RGPD3: variants seen among roughly 807,000 people sequenced by gnomAD.
RGPD3 encodes the protein RANBP2 like and GRIP domain containing 3.
In RGPD3, 62 loss-of-function variants were observed where a neutral mutation model predicts 154.5. The ratio of observed to expected loss-of-function variants is 0.40; its 90% CI spans 0.33 to 0.50. The LOEUF is 0.50. Among genes scored for constraint, RGPD3 ranks in the 20% least tolerant of loss-of-function variants. The probability of loss-of-function intolerance (pLI) is 0.59; values close to 1 mark genes in which losing one functional copy is unlikely to be tolerated. For missense variants in RGPD3, 919 were observed against 1,716.8 expected (o/e 0.54, Z 8.21); for synonymous variants, 308 against 607.0 (o/e 0.51, Z 7.24).
chr2:106,425,464 T>TA (rs1416793752), intron 19 of RGPD3, among the ~76,000 whole-genome samples, 198 bp from the exon 20 acceptor site: 1 of 145,204 alleles, frequency 6.9e-6, no homozygotes, highest in Admixed American at 7.0e-5. Flanking sequence ...TATCTCATTT[T>TA]AATATCCTCA....
chr2:106,428,833 G>A (rs1159465756), intron 18 of RGPD3, among the ~76,000 whole-genome samples: 1 of 147,000 alleles, frequency 6.8e-6, no homozygotes, highest in East Asian at 2.1e-4. Flanking sequence ...TGTGAATCTC[G>A]GCTCTATCAA....
chr2:106,413,194 T>C lies in RGPD3; in HGVS notation c.5156A>G (p.Gln1719Arg). Residue 1719 changes from glutamine (Q) to arginine (R), a missense_variant, in exon 22 of 23, where the codon CAG (glutamine) becomes CGG (arginine). Gln to Arg is a conservative substitution (Grantham distance 43). Transcript: ENST00000409886. ...NVEHLKNVLL[Q>R]FIFLKPGSER... ...ACTACCTGGCTTCAAGAAAATGAACTGCAGCAAGACGTTCTTCAAGTGTTC... is the reference window on the plus strand; with the variant it reads ...ACTACCTGGCTTCAAGAAAATGAACCGCAGCAAGACGTTCTTCAAGTGTTC... The C allele has an allele frequency of 1.2e-6, 2 of 1,612,010 alleles. No homozygotes were observed. The highest frequency in any genetic ancestry group is 1.7e-6 in the Non-Finnish European group (2 of 1,179,864).
At chr2:106,449,910 G>C (rs1378913321) in intron 6 of RGPD3, among the ~76,000 whole-genome samples, 5 of 151,200 alleles carry the variant, frequency 3.3e-5, no homozygotes, top group African/African-American at 9.7e-5. Flanking sequence ...CCAGCTACTC[G>C]GGAGGCTGAG....
At chr2:106,449,481 A>G (rs1678043508) in intron 6 of RGPD3, among the ~76,000 whole-genome samples, 1 of 151,396 alleles carries the variant, frequency 6.6e-6, no homozygotes, top group East Asian at 1.9e-4. Flanking sequence ...AAAAAAAAAA[A>G]AAAAAAGCTA....
chr2:106,426,804 G>T (rs1677211701), intron 18 of RGPD3, among the ~76,000 whole-genome samples: 1 of 152,250 alleles, frequency 6.6e-6, no homozygotes, highest in Non-Finnish European at 1.5e-5. Context: ...GCCTGTACAT[G>T]GAAGAAGAAA....
intron 22 of RGPD3, among the ~76,000 whole-genome samples, chr2:106,407,517 C>T (rs1455704808): frequency 6.6e-6 from 1 of 150,950 alleles, no homozygotes; most frequent in Non-Finnish European, 1.5e-5. Context: ...TAACCTTGTT[C>T]CCAGGAATAA....
chr2:106,438,797 C>CA (rs1284255871), intron 9 of RGPD3, among the ~76,000 whole-genome samples, 171 bp downstream of exon 9: 18 of 136,422 alleles, frequency 1.3e-4, no homozygotes, highest in Admixed American at 1.5e-4. Flanking sequence ...ACAACAACAA[C>CA]AACAAAAAAT....
Position 106,433,131 on chromosome 2 carries a change from G to A in RGPD3, c.2360C>T (p.Ser787Leu). Residue 787 changes from serine (S) to leucine (L), a missense_variant, in exon 16 of 23, where the codon TCA (serine) becomes TTA (leucine). Ser to Leu is a moderately radical substitution (Grantham distance 145). Transcript: ENST00000409886. ...KHSTPSPTKY[S>L]LSPSKSYKYS... ...CTTGTAACTTTTACTTGGTGATAGT[G>A]AATATTTGGTAGGAGATGGTGTAGA... 6.2e-7 allele frequency: 1 copy of A among 1,610,804 alleles called. No individual in the cohort carries two copies. Among genetic ancestry groups the A allele is most frequent in the Non-Finnish European group, 8.5e-7 (1 of 1,179,194 alleles).
intron 1 of RGPD3, among the ~76,000 whole-genome samples, chr2:106,467,053 G>C (rs1355753143): frequency 8.0e-6 from 1 of 125,552 alleles, no homozygotes; most frequent in Admixed American, 8.3e-5. Context: ...AGGTAACAGC[G>C]CCGGTCGGGA....
intron 7 of RGPD3, among the ~76,000 whole-genome samples, chr2:106,446,485 G>A (rs1256169639): frequency 1.4e-5 from 2 of 139,786 alleles, no homozygotes; most frequent in East Asian, 4.8e-4. Flanking sequence ...CAGGAAAATG[G>A]CGTGAACTCG....
In RGPD3 at chr2:106,423,998, A is replaced by G; in HGVS notation, c.3969T>C (p.Asp1323=). 2.5e-6 allele frequency: 4 copies of G among 1,611,804 alleles called. No individual in the cohort carries two copies. The highest frequency in any genetic ancestry group is 3.4e-6 in the Non-Finnish European group (4 of 1,179,832). The part of the protein sequence containing the change: ...GTSVGTDEES[D]VTQEEERDGQ... ...CATCTCTCTCTTCTTCTTGAGTAAC[A>G]TCAGATTCTTCATCAGTGCCAACTG... The change falls in exon 20 of 23, where the codon GAT becomes GAC. Residue 1323 remains aspartate, a synonymous_variant. Coordinates refer to ENST00000409886, the MANE Select transcript of RGPD3 (RefSeq NM_001144013.2).
At chr2:106,450,241 G>A (rs1266505912) in intron 6 of RGPD3, among the ~76,000 whole-genome samples, 8 of 84,234 alleles carry the variant, frequency 9.5e-5, no homozygotes, top group Non-Finnish European at 1.5e-4. Flanking sequence ...TTAGCCGAGC[G>A]TGGTGGTGGG....
intron 22 of RGPD3, among the ~76,000 whole-genome samples, chr2:106,407,542 C>G (rs1676552725): frequency 6.7e-6 from 1 of 150,262 alleles, no homozygotes; most frequent in African/African-American, 2.4e-5. Flanking sequence ...AACCAGATGA[C>G]TATAAACATT....
chr2:106,467,703 C>T (rs1201401001), intron 1 of RGPD3, among the ~76,000 whole-genome samples: 15 of 119,982 alleles, frequency 1.3e-4, no homozygotes, highest in Middle Eastern at 7.6e-3. Context: ...AGGCAGCCGC[C>T]GGGCCAGGTC....
intron 20 of RGPD3, among the ~76,000 whole-genome samples, chr2:106,417,947 G>T (rs1326769926): frequency 6.7e-6 from 1 of 149,484 alleles, no homozygotes; most frequent in Admixed American, 6.7e-5. Context: ...TGGCCAAGAT[G>T]GTGAAACCCT....
chr2:106,459,087 C>T (rs1313207144), intron 2 of RGPD3, among the ~76,000 whole-genome samples, 178 bp downstream of exon 2: 7 of 147,380 alleles, frequency 4.7e-5, no homozygotes, highest in Admixed American at 4.3e-4. Context: ...ACACTAATTA[C>T]GGTTTCAATC....
rs999822666 is a variant in RGPD3 at position 106,405,045 on chromosome 2, T to C, written c.*174A>G. ...TACATCTGTCATATAGATGTACAAATATATGTAAATGCAAACATATACACA... is the reference window on the plus strand; with the variant it reads ...TACATCTGTCATATAGATGTACAAACATATGTAAATGCAAACATATACACA... On this transcript the variant is annotated 3_prime_UTR_variant, in exon 23 of 23. Coordinates refer to ENST00000409886, the MANE Select transcript of RGPD3 (RefSeq NM_001144013.2). 4.2e-6 allele frequency: 3 copies of C among 720,112 alleles called. No homozygotes were observed. Among genetic ancestry groups the C allele is most frequent in the African/African-American group, 3.6e-5 (2 of 55,516 alleles). The allele number at this position is 720,112 out of a possible 1,614,324, so 44.6% of individuals were successfully genotyped here. A position where few individuals can be genotyped will look rare whatever the true frequency, so the allele number is the denominator to read the frequency against.
At chr2:106,437,954 C>A (rs71267142) in intron 9 of RGPD3, among the ~76,000 whole-genome samples, 89 of 152,190 alleles carry the variant, frequency 5.8e-4, no homozygotes, top group Non-Finnish European at 9.7e-4. Context: ...GTTTCTGAGA[C>A]GAAGTCTCGC....
chr2:106,424,016 G>A lies in RGPD3; in HGVS notation c.3951C>T (p.Gly1317=). The A allele has an allele frequency of 6.2e-7, 1 of 1,611,666 alleles. No homozygotes were observed. The highest frequency in any genetic ancestry group is 8.5e-7 in the Non-Finnish European group (1 of 1,179,822). Residue 1317 remains glycine (G), a synonymous_variant, in exon 20 of 23, where the codon GGC becomes GGT. Transcript: ENST00000409886. Reference sequence around the variant, plus strand: ...GAGTAACATCAGATTCTTCATCAGTGCCAACTGAAGTCCCACTCTGATTCA... The same window carrying A: ...GAGTAACATCAGATTCTTCATCAGTACCAACTGAAGTCCCACTCTGATTCA... ...AKLNQSGTSV[G]TDEESDVTQE...
Sources: allele counts gnomAD v4.1 joint callset (sites outside exome capture counted in the v4.1 genomes callset), GRCh38; gene constraint gnomAD v4.1.1; transcripts MANE v1.5; gene names NCBI Gene and HGNC (gene_info 2026-07-23, HGNC 2026-07-21).